SNRPN: variants seen among roughly 807,000 people sequenced by gnomAD.
SNRPN encodes small nuclear ribonucleoprotein polypeptide N.
A neutral mutation model predicts 25.2 loss-of-function variants in SNRPN; 7 were observed. That is an observed-to-expected ratio of 0.28 (90% CI 0.16 to 0.52). The LOEUF (loss-of-function observed/expected upper bound fraction) is 0.52. Among genes scored for constraint, SNRPN ranks in the 20% least tolerant of loss-of-function variants. SNRPN has a pLI of 0.96. For synonymous variants in SNRPN, 124 were observed against 110.6 expected (o/e 1.12, Z -0.76); for missense variants, 196 against 322.5 (o/e 0.61, Z 3.00).
chr15:24,858,342 CAGTT>C (rs1437355438), intron 1 of SNRPN, among the ~76,000 whole-genome samples: 3 of 152,192 alleles, frequency 2.0e-5, no homozygotes, highest in East Asian at 3.9e-4. Context: ...AAGATGGAGT[CAGTT>C]AGGTCAGATC....
chr15:24,909,733 G>A lies in SNRPN; in HGVS notation c.-504-10278G>A, dbSNP rs4906695. ...GTATCACCAAGCGTTTCCGAGTATC[G>A]TAATCAGTTTTACCCTCTCATCATC... On this transcript the variant is annotated intron_variant, in intron 2 of 11. Transcript: ENST00000400097. 2.6e-5 allele frequency: 32 copies of A among 1,246,596 alleles called. 1 individual carries two copies. The highest frequency in any genetic ancestry group is 2.7e-4 in the Middle Eastern group (1 of 3,756). 77.2% of individuals were successfully genotyped at this position (1,246,596 alleles called of 1,614,324 possible).
chr15:24,849,881 A>T (rs183272102), intron 2 of SNRPN: 2 of 152,252 alleles, frequency 1.3e-5, no homozygotes, highest in African/African-American at 2.4e-5. Context: ...TCGTAAAATT[A>T]TAAAGGCATA....
At position 24,906,529 on chromosome 15, in the gene SNRPN, T is replaced by A. The variant is rs182554707; in HGVS notation, c.-504-13482T>A. On this transcript the variant is annotated intron_variant, in intron 2 of 11. Transcript: ENST00000400097. Reference sequence around the variant, plus strand: ...ATAATCTGAGGAGAAATTAGCCAGATCTGTTCAGATTCTTCTTGGTCTCTG... The same window carrying A: ...ATAATCTGAGGAGAAATTAGCCAGAACTGTTCAGATTCTTCTTGGTCTCTG... Among the ~76,000 whole-genome samples the A allele has an allele frequency of 4.7e-4, 72 of 152,292 alleles. 1 individual carries two copies. The East Asian group carries it at 7.3e-3, about 16-fold the overall frequency.
intron 3 of SNRPN, among the ~76,000 whole-genome samples, chr15:24,935,528 A>G (rs888333342): frequency 3.3e-5 from 5 of 152,148 alleles, no homozygotes; most frequent in African/African-American, 1.2e-4. Flanking sequence ...TTGAGTGGGA[A>G]GTGGGAAGCA....
At chr15:24,835,919 C>A (rs1359877716) in intron 2 of SNRPN, among the ~76,000 whole-genome samples, 1 of 152,030 alleles carries the variant, frequency 6.6e-6, no homozygotes, top group Non-Finnish European at 1.5e-5. Flanking sequence ...CCCTCTTCGG[C>A]CTCCCAAAGG....
chr15:24,942,944 A>C (rs922956746), intron 3 of SNRPN, among the ~76,000 whole-genome samples: 2 of 151,922 alleles, frequency 1.3e-5, no homozygotes, highest in Non-Finnish European at 2.9e-5. Flanking sequence ...CTGACTGTAC[A>C]TATGAAACAG....
intron 3 of SNRPN, among the ~76,000 whole-genome samples, chr15:24,922,920 A>G (rs1450545118): frequency 1.5e-4 from 1 of 6,476 alleles, no homozygotes; most frequent in African/African-American, 1.5e-3. Flanking sequence ...TTTTTTTGGG[A>G]AGACAGAGTC....
rs199821531 is a variant in SNRPN, at chr15:24,918,964, C to T, written c.-504-1047C>T. On this transcript the variant is annotated intron_variant, in intron 2 of 11. Coordinates refer to the SNRPN transcript ENST00000400097. Reference sequence around the variant, plus strand: ...ATATATATAACATAATATATATGCGCGCATATATATATAACATAATATATA... The same window carrying T: ...ATATATATAACATAATATATATGCGTGCATATATATATAACATAATATATA... Among the ~76,000 whole-genome samples the T allele has an allele frequency of 1.7e-4, 8 of 45,924 alleles. 1 individual carries two copies. The highest frequency in any genetic ancestry group is 7.9e-4 in the South Asian group (1 of 1,258). The allele number at this position is 45,924 out of a possible 152,430, so 30.1% of individuals were successfully genotyped here.
At chr15:24,970,713 G>A (rs1009104654) in intron 3 of SNRPN, among the ~76,000 whole-genome samples, 3 of 152,116 alleles carry the variant, frequency 2.0e-5, no homozygotes, top group Admixed American at 2.0e-4. Context: ...AAACGTTTTT[G>A]TTACATTGTT....
Position 24,968,047 on chromosome 15 carries a change from G to T in SNRPN, c.-179G>T. 1 of 1,611,814 alleles carries T rather than the reference G, an allele frequency of 6.2e-7. No individual in the cohort carries two copies. The highest frequency in any genetic ancestry group is 1.1e-5 in the South Asian group (1 of 91,042). ...ACCAAGAGGTGGTTAAAGCCATATT[G>T]GAGTAGCGAGGAATCTGATTCCAAG... is the stretch of plus-strand genomic sequence containing the variant. On this transcript the variant is annotated 5_prime_UTR_variant, in exon 3 of 10. Transcript: ENST00000390687.
At chr15:24,876,050 T>C (rs1257291210) in intron 1 of SNRPN, among the ~76,000 whole-genome samples, 1 of 128,644 alleles carries the variant, frequency 7.8e-6, no homozygotes, top group Non-Finnish European at 1.7e-5. Flanking sequence ...TGATACTTTG[T>C]CTCAAAAAAA....
chr15:24,894,688 G>A lies in SNRPN; in HGVS notation c.-505+8099G>A, dbSNP rs775079980. Among the ~76,000 whole-genome samples, 9 of 152,188 alleles carry A rather than the reference G, an allele frequency of 5.9e-5. 1 individual carries two copies. Among genetic ancestry groups the A allele is most frequent in the Non-Finnish European group, 1.0e-4 (7 of 68,042 alleles). The stretch of plus-strand genomic sequence containing the variant: ...CTATCCATCTGCATTGGGAAAATAA[G>A]GGACAAGGAGTTTTTACTTTCTTCT... On this transcript the variant is annotated intron_variant, in intron 2 of 11. Transcript: ENST00000400097.
chr15:24,876,959 T>C (rs1046610219), intron 1 of SNRPN, among the ~76,000 whole-genome samples: 1 of 152,214 alleles, frequency 6.6e-6, no homozygotes, highest in African/African-American at 2.4e-5. Context: ...GTCAATGTGT[T>C]GGTATTTTAT....
intron 2 of SNRPN, among the ~76,000 whole-genome samples, chr15:24,906,042 T>G (rs2058780273): frequency 1.3e-5 from 2 of 152,232 alleles, no homozygotes; most frequent in African/African-American, 4.8e-5. Flanking sequence ...ATATCAAATG[T>G]AGTTACTAAA....
chr15:24,867,543 T>G (rs1324669863), intron 1 of SNRPN, among the ~76,000 whole-genome samples: 1 of 151,960 alleles, frequency 6.6e-6, no homozygotes, highest in African/African-American at 2.4e-5. Context: ...CTCAGCTAAT[T>G]TTTTGTATTT....
At chr15:24,918,818 A>G (rs1349200914) in intron 2 of SNRPN, among the ~76,000 whole-genome samples, 1 of 123,900 alleles carries the variant, frequency 8.1e-6, no homozygotes, top group African/African-American at 3.0e-5. Context: ...CAATATATAT[A>G]TGTGCGCATA....
At chr15:24,902,744 GGTCTC>G (rs2058543050) in intron 2 of SNRPN, among the ~76,000 whole-genome samples, 1 of 152,180 alleles carries the variant, frequency 6.6e-6, no homozygotes, top group South Asian at 2.1e-4. Flanking sequence ...GTGGGTTCAT[GGTCTC>G]GCCGGCTTCA....
intron 3 of SNRPN, among the ~76,000 whole-genome samples, chr15:24,943,278 T>C (rs1272644387): frequency 1.3e-5 from 2 of 149,352 alleles, no homozygotes. Context: ...CCACTCTTCT[T>C]CAGGGAGGTC....
chr15:24,961,523 G>T lies in SNRPN; in HGVS notation c.-390-591G>T, dbSNP rs567958995. On this transcript the variant is annotated intron_variant, in intron 1 of 9. Coordinates refer to ENST00000390687, the MANE Select transcript of SNRPN (RefSeq NM_003097.6). ...CCCTTGAGCAGCCATTTTATGAGGG[G>T]TTCTGCAGACGTAACATGGCGGGTT... Among the ~76,000 whole-genome samples the T allele has an allele frequency of 2.5e-4, 38 of 152,262 alleles. No homozygotes were observed. The South Asian group carries it at 7.0e-3, about 28-fold the overall frequency.
Sources: gnomAD v4.1 joint callset for allele counts (sites outside exome capture counted in the v4.1 genomes callset) on GRCh38, gnomAD v4.1.1 for gene constraint, MANE v1.5 for transcripts, NCBI Gene and HGNC (gene_info 2026-07-23, HGNC 2026-07-21) for gene names.